The following COL4A3 variants were observed in gnomAD, a reference collection of about 807,000 sequenced individuals.
COL4A3 encodes the protein collagen alpha-3(IV) chain.
In COL4A3, 135 loss-of-function variants were observed where a neutral mutation model predicts 217.4. That is an observed-to-expected ratio of 0.62 (90% CI 0.54 to 0.72). The LOEUF is 0.72. Among genes scored for constraint, COL4A3 ranks in the 30% least tolerant of loss-of-function variants. The pLI is 0.00. For missense variants in COL4A3, 1,868 were observed against 2,119.9 expected (o/e 0.88, Z 2.33); for synonymous variants, 690 against 736.3 (o/e 0.94, Z 1.02).
At chr2:227,297,113 T>C in intron 41 of COL4A3, among the ~76,000 whole-genome samples, 1 of 152,184 alleles carries the variant, frequency 6.6e-6, no homozygotes. Context: ...GGGGAATGTG[T>C]GGGGAAGTTA....
Position 227,254,695 on chromosome 2 carries a change from C to T in COL4A3, c.868C>T (p.Pro290Ser). ...ATCATATGGATCTGAAAAGGGTGCT[C>T]CTGGAGACCCTGGCCTGCAGGTAAA... ...GESYGSEKGA[P>S]GDPGLQGKPG... is the part of the protein sequence containing the mutation. The change falls in exon 15 of 52, where the codon CCT (proline) becomes TCT (serine). Residue 290 changes from proline to serine, a missense_variant. By Grantham distance (74) the Pro-to-Ser change is moderately conservative. Coordinates refer to ENST00000396578, the MANE Select transcript of COL4A3 (RefSeq NM_000091.5). 1 of 1,613,406 alleles carries T rather than the reference C, an allele frequency of 6.2e-7. No individual in the cohort carries two copies. The highest frequency in any genetic ancestry group is 8.5e-7 in the Non-Finnish European group (1 of 1,179,422).
chr2:227,208,304 A>G (rs1187701284), intron 1 of COL4A3, among the ~76,000 whole-genome samples: 1 of 152,204 alleles, frequency 6.6e-6, no homozygotes, highest in Non-Finnish European at 1.5e-5. Context: ...TTACAGTTTC[A>G]GGGTCATGCG....
At chr2:227,232,037 A>T (rs1012493953) in intron 1 of COL4A3, among the ~76,000 whole-genome samples, 2 of 152,076 alleles carry the variant, frequency 1.3e-5, no homozygotes, top group African/African-American at 4.8e-5. Context: ...TTTAGATCCC[A>T]CACATAAGTG....
chr2:227,224,938 G>T (rs901697768), intron 1 of COL4A3, among the ~76,000 whole-genome samples: 21 of 152,132 alleles, frequency 1.4e-4, no homozygotes, highest in Non-Finnish European at 3.1e-4. Flanking sequence ...TTTTGACAGG[G>T]TTTCACTCTG....
rs1220818782 is a variant in COL4A3, at chr2:227,250,672, G to A, written c.547-468G>A. On this transcript the variant is annotated intron_variant, in intron 9 of 51. Transcript: ENST00000396578. The surrounding 1 kb of genome is among the most constrained non-coding windows in gnomAD (Gnocchi z 4.1). The stretch of plus-strand genomic sequence containing the variant: ...AGGAAGTGTCTGGGTTGGAAGGTGG[G>A]TTACAACTTTGGATAAGCAGGAAGG... 6.6e-6 allele frequency among the ~76,000 whole-genome samples: 1 copy of A among 152,156 alleles called. No individual in the cohort carries two copies. The highest frequency in any genetic ancestry group is 1.5e-5 in the Non-Finnish European group (1 of 68,032).
chr2:227,280,413 A>G (rs779776880), intron 29 of COL4A3, 27 bp from the exon 30 acceptor site: 20 of 1,613,260 alleles, frequency 1.2e-5, no homozygotes, highest in Non-Finnish European at 1.6e-5. Flanking sequence ...AGCACTATAT[A>G]GTAATAACAC....
intron 15 of COL4A3, 86 bp downstream of exon 15, chr2:227,254,801 C>T: frequency 1.1e-6 from 1 of 934,602 alleles, no homozygotes; most frequent in Non-Finnish European, 1.8e-6. Flanking sequence ...ATGCCCAACT[C>T]AAACTAGCTC....
intron 38 of COL4A3, 30 bp downstream of exon 38, chr2:227,293,347 T>C: frequency 6.2e-7 from 1 of 1,613,148 alleles, no homozygotes. Flanking sequence ...TTCTAAAAGC[T>C]GGAAGCATTA....
intron 20 of COL4A3, 65 bp downstream of exon 20, chr2:227,261,182 A>G (rs374929414): frequency 5.7e-5 from 76 of 1,336,508 alleles, no homozygotes; most frequent in Non-Finnish European, 7.8e-5. Context: ...GCTGTCCTCT[A>G]TTAAGTTTAC....
At chr2:227,231,109 T>A (rs955643884) in intron 1 of COL4A3, among the ~76,000 whole-genome samples, 2 of 152,172 alleles carry the variant, frequency 1.3e-5, no homozygotes, top group Non-Finnish European at 2.9e-5. Context: ...TGGAGCCTCA[T>A]CTGCAGGGCA....
chr2:227,238,650 A>G (rs771340216), intron 2 of COL4A3, among the ~76,000 whole-genome samples: 4 of 152,246 alleles, frequency 2.6e-5, no homozygotes, highest in Non-Finnish European at 4.4e-5. Context: ...CCTCAGAGAC[A>G]CTAATTAATT....
Position 227,240,208 on chromosome 2 carries a change from C to T in COL4A3, c.210C>T (p.Gly70=), listed in dbSNP as rs753069605. 6.2e-7 allele frequency: 1 copy of T among 1,611,544 alleles called. No individual in the cohort carries two copies. The highest frequency in any genetic ancestry group is 1.7e-5 in the Admixed American group (1 of 59,720). The part of the protein sequence containing the change: ...PGQKGFTGPE[G]LPGPQGPKGF... The stretch of plus-strand genomic sequence containing the variant: ...AGAAAGGATTCACAGGTCCTGAAGG[C>T]TTGCCTGGACCGCAGGGACCCAAGG... The change falls in exon 3 of 52, where the codon GGC becomes GGT. Residue 70 remains glycine (G), a synonymous_variant. Transcript: ENST00000396578.
chr2:227,195,400 G>T (rs1424661996), intron 1 of COL4A3, among the ~76,000 whole-genome samples: 1 of 152,062 alleles, frequency 6.6e-6, no homozygotes, highest in Non-Finnish European at 1.5e-5. Flanking sequence ...CATGTACAAT[G>T]GTGGCCCATA....
At chr2:227,235,796 G>A (rs1161671129) in intron 1 of COL4A3, among the ~76,000 whole-genome samples, 2 of 70,888 alleles carry the variant, frequency 2.8e-5, no homozygotes, top group African/African-American at 1.2e-4. Context: ...TTTTTTTAAT[G>A]GAGTTTTGCT....
In COL4A3 at chr2:227,191,303, C is replaced by T. The variant is rs191582480; in HGVS notation, c.87+26490C>T. Among the ~76,000 whole-genome samples, 20 of 151,556 alleles carry T rather than the reference C, an allele frequency of 1.3e-4. No individual in the cohort carries two copies. Among genetic ancestry groups the T allele is most frequent in the East Asian group, 3.9e-4 (2 of 5,172 alleles). On this transcript the variant is annotated intron_variant, in intron 1 of 51. Coordinates refer to ENST00000396578, the MANE Select transcript of COL4A3 (RefSeq NM_000091.5). This position sits in a 1 kb window ranked among gnomAD's most constrained non-coding sequence, Gnocchi z 6.8. ...AAATGGATTTTTTTTTTGTAAAGGA[C>T]GCAAAAGTTTAAGACTGTTGGCATA... is the stretch of plus-strand genomic sequence containing the variant.
chr2:227,205,313 G>A lies in COL4A3; in HGVS notation c.88-32655G>A, dbSNP rs371792587. Among the ~76,000 whole-genome samples, 137 of 152,154 alleles carry A rather than the reference G, an allele frequency of 9.0e-4. 4 individuals are homozygous for A. In the South Asian group the frequency reaches 0.021, roughly 23 times the overall value. ...AATATTAGGTTGTATATGAAATAGT[G>A]TATATACGATATTCTATCAAATAAA... On this transcript the variant is annotated intron_variant, in intron 1 of 51. Coordinates refer to ENST00000396578, the MANE Select transcript of COL4A3 (RefSeq NM_000091.5).
In COL4A3 at chr2:227,267,019, T is replaced by C. The variant is rs755356916; in HGVS notation, c.1435T>C (p.Cys479Arg). 5 of 1,613,800 alleles carry C rather than the reference T, an allele frequency of 3.1e-6. No homozygotes were observed. The African/African-American group carries it at 5.3e-5, about 17-fold the overall frequency. Residue 479 changes from cysteine (C) to arginine (R), a missense_variant, in exon 23 of 52, where the codon TGC becomes CGC. Coordinates refer to ENST00000396578, the MANE Select transcript of COL4A3 (RefSeq NM_000091.5). The stretch of plus-strand genomic sequence containing the variant: ...AGAACCAGGCCTCCTGTGTACACAG[T>C]GCCCTTATATCCCAGGGCCTCCCGG... ...KGEPGLLCTQ[C>R]PYIPGPPGLP... is the part of the protein sequence containing the mutation.
At chr2:227,265,243 G>A (rs1265767524) in intron 21 of COL4A3, 1 of 152,184 alleles carries the variant, frequency 6.6e-6, no homozygotes, top group Non-Finnish European at 1.5e-5. Flanking sequence ...TCTACACTAA[G>A]TATTAAACTT....
At chr2:227,310,679 C>A in intron 50 of COL4A3, 97 bp from the exon 51 acceptor site, 2 of 961,594 alleles carry the variant, frequency 2.1e-6, no homozygotes, top group Non-Finnish European at 3.3e-6. Flanking sequence ...CCTTTCTTTA[C>A]TCACAGTTGC....
Sources: gnomAD v4.1 joint callset for allele counts (sites outside exome capture counted in the v4.1 genomes callset) on GRCh38, gnomAD v4.1.1 for gene constraint, Gnocchi (gnomAD v3.1) non-coding constraint, MANE v1.5 for transcripts, NCBI Gene and HGNC (gene_info 2026-07-23, HGNC 2026-07-21) for gene names.